Variants in ANAPC1 observed in about 807,000 individuals in gnomAD.
The protein encoded by ANAPC1 is anaphase promoting complex subunit 1.
In ANAPC1, 36 loss-of-function variants were observed where a neutral mutation model predicts 208.0. The observed-to-expected ratio is 0.17, with a 90% CI of 0.13 to 0.23. The LOEUF (loss-of-function observed/expected upper bound fraction) is 0.23, where lower values mean the gene tolerates loss of function less well. Among genes scored for constraint, ANAPC1 ranks in the 10% least tolerant of loss-of-function variants. The probability of loss-of-function intolerance (pLI) is 1.00; values close to 1 mark genes in which losing one functional copy is unlikely to be tolerated. For synonymous variants in ANAPC1, 378 were observed against 695.2 expected, an observed-to-expected ratio of 0.54 and a Z score of 7.18; for missense variants, 942 against 2,011.6, an observed-to-expected ratio of 0.47 and a Z score of 10.17.
chr2:111,879,981 A>G (rs1683213191), intron 2 of ANAPC1, among the ~76,000 whole-genome samples: 1 of 152,206 alleles, frequency 6.6e-6, no homozygotes, highest in African/African-American at 2.4e-5. Flanking sequence ...CTACCATTTA[A>G]TCATTAGATA....
chr2:111,812,581 TGA>T (rs930981702), intron 28 of ANAPC1, among the ~76,000 whole-genome samples: 5 of 146,284 alleles, frequency 3.4e-5, no homozygotes, highest in South Asian at 4.5e-4. Flanking sequence ...TGGAAAAAAC[TGA>T]GAGAGGCTTT....
At chr2:111,848,504 C>T (rs888713473) in intron 14 of ANAPC1, among the ~76,000 whole-genome samples, 1 of 152,064 alleles carries the variant, frequency 6.6e-6, no homozygotes, top group East Asian at 1.9e-4. Context: ...CCGGGGCACG[C>T]GGTGGCTCAT....
Position 111,769,232 on chromosome 2 carries a change from T to C in ANAPC1, c.*59A>G, listed in dbSNP as rs1405631880. 6.0e-5 allele frequency: 97 copies of C among 1,607,186 alleles called. No homozygotes were observed. Among genetic ancestry groups the C allele is most frequent in the Non-Finnish European group, 8.0e-5 (94 of 1,174,684 alleles). On this transcript the variant is annotated 3_prime_UTR_variant, in exon 48 of 48. Transcript: ENST00000341068. ...TATAAACATTGCTTTAGCTTTGATGTTTGGTCACGTTTGTTGTGCAGAAGT... is the reference window on the plus strand; with the variant it reads ...TATAAACATTGCTTTAGCTTTGATGCTTGGTCACGTTTGTTGTGCAGAAGT...
intron 21 of ANAPC1, 113 bp from the exon 22 acceptor site, chr2:111,825,968 C>T: frequency 1.1e-6 from 1 of 933,160 alleles, no homozygotes; most frequent in Non-Finnish European, 1.6e-6. Flanking sequence ...CCTCAAACTC[C>T]TTGGCTCAAG....
At chr2:111,850,239 T>C (rs1044464270) in intron 14 of ANAPC1, among the ~76,000 whole-genome samples, 18 of 149,652 alleles carry the variant, frequency 1.2e-4, no homozygotes, top group Admixed American at 1.1e-3. Context: ...AAGATACAAA[T>C]ATCCACTAAA....
At position 111,769,679 on chromosome 2, in the gene ANAPC1, C is replaced by CTTTTTTTTTTTTTTTTTT. The variant is rs767767639; in HGVS notation, c.5720-291_5720-274dup. 2.4e-5 allele frequency among the ~76,000 whole-genome samples: 2 copies of CTTTTTTTTTTTTTTTTTT among 83,260 alleles called. 1 individual carries two copies. The highest frequency in any genetic ancestry group is 4.6e-5 in the Non-Finnish European group (2 of 43,580). The allele number at this position is 83,260 out of a possible 152,430, so 54.6% of individuals were successfully genotyped here. On this transcript the variant is annotated intron_variant, in intron 47 of 47. Transcript: ENST00000341068. ...TATCTGCATTACACCTACTGGCTTT[C>CTTTTTTTTTTTTTTTTTT]TTTTTTTTTTTTTTTTTTTGGAGAC...
At chr2:111,858,224 C>CAA (rs369817362) in intron 11 of ANAPC1, 82 bp downstream of exon 11, 52 of 906,058 alleles carry the variant, frequency 5.7e-5, no homozygotes, top group African/African-American at 2.9e-4. Context: ...CTACTTAAGC[C>CAA]AAAAAAAAAA....
rs1677663802 is a variant in ANAPC1, at chr2:111,788,106, A to G, written c.4799+128T>C. 3.6e-6 allele frequency: 5 copies of G among 1,396,662 alleles called. No homozygotes were observed. In the South Asian group the frequency reaches 6.2e-5, roughly 17 times the overall value. 86.5% of individuals were successfully genotyped at this position (1,396,662 alleles called of 1,614,324 possible). A position where few individuals can be genotyped will look rare whatever the true frequency, so the allele number is the denominator to read the frequency against. The stretch of plus-strand genomic sequence containing the variant: ...AATTTTCTTAAAAGATTTAGCCAGG[A>G]ATATAACTAAGTTGGAGAACAAAAC... On this transcript the variant is annotated intron_variant, in intron 39 of 47. Transcript: ENST00000341068.
At chr2:111,784,512 C>T (rs1677455352) in intron 40 of ANAPC1, 112 bp from the exon 41 acceptor site, 4 of 1,392,468 alleles carry the variant, frequency 2.9e-6, no homozygotes, top group African/African-American at 1.4e-5. Context: ...ATACAGAGAC[C>T]TTTAAATGGT....
At chr2:111,801,676 T>A (rs1273991072) in intron 33 of ANAPC1, among the ~76,000 whole-genome samples, 2 of 151,558 alleles carry the variant, frequency 1.3e-5, no homozygotes, top group Non-Finnish European at 2.9e-5. Flanking sequence ...ATGGTTAAGT[T>A]AAAAATCCTA....
rs1680371658 is a variant in ANAPC1, at chr2:111,834,743, G to A, written c.2245C>T (p.Leu749=). ...GTAAAGAGAAGTGTAGAAGAATCCAGACTGAGATTCTGTGAAAAATCCTCA... is the reference window on the plus strand; with the variant it reads ...GTAAAGAGAAGTGTAGAAGAATCCAAACTGAGATTCTGTGAAAAATCCTCA... ...KDEDFSQNLS[L]DSSTLLFTHI... Residue 749 remains leucine (L), a synonymous_variant, in exon 19 of 48, where the codon CTG becomes TTG. Coordinates refer to ENST00000341068, the MANE Select transcript of ANAPC1 (RefSeq NM_022662.4). The A allele has an allele frequency of 1.2e-6, 2 of 1,613,428 alleles. No homozygotes were observed. Among genetic ancestry groups the A allele is most frequent in the Admixed American group, 1.7e-5 (1 of 59,954 alleles).
chr2:111,833,857 T>C (rs1348347238), intron 19 of ANAPC1, among the ~76,000 whole-genome samples: 2 of 152,122 alleles, frequency 1.3e-5, no homozygotes, highest in East Asian at 3.9e-4. Context: ...AATTTCAAGA[T>C]CTCAAAAAAG....
At chr2:111,818,662 CA>C (rs1347938309) in intron 27 of ANAPC1, among the ~76,000 whole-genome samples, 177 bp downstream of exon 27, 1 of 151,740 alleles carries the variant, frequency 6.6e-6, no homozygotes, top group Non-Finnish European at 1.5e-5. Flanking sequence ...CTGCTTCTCT[CA>C]AAGTTTAGTT....
At chr2:111,827,925 G>A (rs988346378) in intron 21 of ANAPC1, among the ~76,000 whole-genome samples, 4 of 151,936 alleles carry the variant, frequency 2.6e-5, no homozygotes, top group East Asian at 1.9e-4. Context: ...AAAGGAATAC[G>A]AAGAGGATAA....
chr2:111,812,594 A>G (rs1208540206), intron 28 of ANAPC1, among the ~76,000 whole-genome samples: 3 of 147,176 alleles, frequency 2.0e-5, no homozygotes, highest in Non-Finnish European at 4.5e-5. Flanking sequence ...GAGAGGCTTT[A>G]ATTAAACACC....
At chr2:111,829,923 T>C (rs959078153) in intron 21 of ANAPC1, among the ~76,000 whole-genome samples, 1 of 151,800 alleles carries the variant, frequency 6.6e-6, no homozygotes. Flanking sequence ...TACAAAAAAT[T>C]AGCCGGGCAT....
intron 43 of ANAPC1, among the ~76,000 whole-genome samples, chr2:111,781,876 G>A (rs1232562252): frequency 6.6e-6 from 1 of 152,272 alleles, no homozygotes; most frequent in Non-Finnish European, 1.5e-5. Context: ...CTACTGCACT[G>A]GCAGTCGAGT....
chr2:111,857,097 C>T lies in ANAPC1; in HGVS notation c.1359-211G>A, dbSNP rs527254537. 1.3e-3 allele frequency: 628 copies of T among 494,134 alleles called. 1 individual carries two copies. Among genetic ancestry groups the T allele is most frequent in the African/African-American group, 0.011 (562 of 51,702 alleles). 30.6% of individuals were successfully genotyped at this position (494,134 alleles called of 1,614,324 possible). On this transcript the variant is annotated intron_variant, in intron 11 of 47. Coordinates refer to ENST00000341068, the MANE Select transcript of ANAPC1 (RefSeq NM_022662.4). ...GGTGTATGTGACTATAAGGAGTTAACGTAAGACAGATAAAGATGTTTTGTA... is the reference window on the plus strand; with the variant it reads ...GGTGTATGTGACTATAAGGAGTTAATGTAAGACAGATAAAGATGTTTTGTA...
At chr2:111,832,047 C>T (rs1472976303) in intron 20 of ANAPC1, among the ~76,000 whole-genome samples, 1 of 146,354 alleles carries the variant, frequency 6.8e-6, no homozygotes, top group African/African-American at 2.5e-5. Context: ...AATCCCAGCC[C>T]CTTGGGAGGC....
Sources: allele counts gnomAD v4.1 joint callset (sites outside exome capture counted in the v4.1 genomes callset), GRCh38; gene constraint gnomAD v4.1.1; transcripts MANE v1.5; gene names NCBI Gene and HGNC (gene_info 2026-07-23, HGNC 2026-07-21).